PLEC: variants seen among roughly 807,000 people sequenced by gnomAD.
PLEC encodes plectin.
A neutral mutation model predicts 392.8 loss-of-function variants in PLEC; 216 were observed. The observed-to-expected ratio is 0.55, with a 90% CI of 0.49 to 0.62. The LOEUF is 0.62. PLEC is among the 20% of genes least tolerant of loss of function. PLEC has a pLI of 0.00. For synonymous variants in PLEC, 3,621 were observed against 2,980.6 expected (o/e 1.21, Z -7.00); for missense variants, 6,863 against 6,563.4 (o/e 1.05, Z -1.58).
intron 5 of PLEC, among the ~76,000 whole-genome samples, chr8:143,936,555 C>T (rs1292019046): frequency 2.0e-5 from 3 of 152,218 alleles, no homozygotes; most frequent in South Asian, 2.1e-4. Flanking sequence ...AGCTGCCTGT[C>T]GTCCTGCCAG....
intron 1 of PLEC, among the ~76,000 whole-genome samples, chr8:143,964,013 A>G (rs1391289591): frequency 6.6e-6 from 1 of 151,994 alleles, no homozygotes; most frequent in African/African-American, 2.4e-5. Flanking sequence ...AGGCTTCACC[A>G]TGTTGGCCAG....
rs962610686 is a variant in PLEC at position 143,939,574 on chromosome 8, G to A, written c.-113C>T. 4.9e-5 allele frequency: 75 copies of A among 1,524,638 alleles called. No individual in the cohort carries two copies. Among genetic ancestry groups the A allele is most frequent in the Non-Finnish European group, 6.3e-5 (72 of 1,138,986 alleles). The allele number at this position is 1,524,638 out of a possible 1,614,324, so 94.4% of individuals were successfully genotyped here. A position where few individuals can be genotyped will look rare whatever the true frequency, so the allele number is the denominator to read the frequency against. On this transcript the variant is annotated 5_prime_UTR_variant, in exon 1 of 32. Transcript: ENST00000345136. ...TGGCGGCCCCACGAGACGCTCACTCGGCACAGGCTCAGCTCAGAGCCCCAG... is the reference window on the plus strand; with the variant it reads ...TGGCGGCCCCACGAGACGCTCACTCAGCACAGGCTCAGCTCAGAGCCCCAG...
rs1554723802 is a variant in PLEC at position 143,936,901 on chromosome 8, T to C, written c.435+78A>G. The C allele has an allele frequency of 3.4e-6, 4 of 1,168,200 alleles. No individual in the cohort carries two copies. The African/African-American group carries it at 6.0e-5, about 18-fold the overall frequency. 72.4% of individuals were successfully genotyped at this position (1,168,200 alleles called of 1,614,324 possible). ...GGCCACGCCCTAGCCAGAAAGCGGA[T>C]CAACCCGCCAGCCAAGGAGCCCAGG... On this transcript the variant is annotated intron_variant, in intron 5 of 31. Coordinates refer to ENST00000345136, the MANE Select transcript of PLEC (RefSeq NM_201384.3).
At chr8:143,975,549 A>G (rs1833632293), upstream of PLEC, among the ~76,000 whole-genome samples, 1 of 149,048 alleles carries the variant, frequency 6.7e-6, no homozygotes, top group South Asian at 2.1e-4. The surrounding 1 kb of genome is among the most constrained non-coding windows in gnomAD (Gnocchi z 9.9). Context: ...ATTGACCCCC[A>G]TGCTCTGGCC....
chr8:143,939,980 G>C (rs1211591717), upstream of PLEC, among the ~76,000 whole-genome samples: 3 of 152,212 alleles, frequency 2.0e-5, no homozygotes, highest in African/African-American at 7.2e-5. Context: ...CTCCAGGCCT[G>C]GGCCAGGCCC....
chr8:143,926,433 C>A (rs750090360), intron 30 of PLEC, among the ~76,000 whole-genome samples: 20 of 152,338 alleles, frequency 1.3e-4, no homozygotes, highest in Non-Finnish European at 2.9e-4. Flanking sequence ...AGCCCCACAA[C>A]TCAGCACCCC....
intron 1 of PLEC, among the ~76,000 whole-genome samples, chr8:143,948,594 C>A (rs570058567): frequency 6.6e-6 from 1 of 152,354 alleles, no homozygotes; most frequent in South Asian, 2.1e-4. Context: ...TGGCTCGCTT[C>A]CTGTTGGAAA....
chr8:143,970,944 C>T (rs1030869725), intron 1 of PLEC, among the ~76,000 whole-genome samples: 27 of 152,188 alleles, frequency 1.8e-4, no homozygotes, highest in African/African-American at 1.9e-4. Flanking sequence ...AGAGCTCTCC[C>T]GCCACAGGCT....
intron 1 of PLEC, chr8:143,944,688 G>T: frequency 7.5e-7 from 1 of 1,324,916 alleles, no homozygotes; most frequent in East Asian, 2.8e-5. Context: ...GGAGCCCACG[G>T]GGCAGACGGA....
chr8:143,942,521 C>T (rs1830691413), upstream of PLEC: 1 of 1,564,302 alleles, frequency 6.4e-7, no homozygotes, highest in South Asian at 1.1e-5. Flanking sequence ...GACATGCCGG[C>T]CACGGCCGGA....
upstream of PLEC, among the ~76,000 whole-genome samples, chr8:143,955,876 G>A (rs1554739080): frequency 1.3e-5 from 2 of 151,260 alleles, no homozygotes; most frequent in African/African-American, 2.4e-5. Context: ...ACAAGTGTGA[G>A]CCACACTGCC....
upstream of PLEC, among the ~76,000 whole-genome samples, chr8:143,940,722 C>T (rs1436560429): frequency 6.6e-6 from 1 of 152,178 alleles, no homozygotes; most frequent in Non-Finnish European, 1.5e-5. Flanking sequence ...AGAGCTCACC[C>T]CACCTCATTC....
rs782569942 is a variant in PLEC at position 143,920,815 on chromosome 8, T to C, written c.9006A>G (p.Arg3002=). 3.5e-5 allele frequency: 56 copies of C among 1,608,078 alleles called. No homozygotes were observed. In the South Asian group the frequency reaches 5.9e-4, roughly 17 times the overall value. The change falls in exon 32 of 32, where the codon CGA becomes CGG. Residue 3002 remains arginine, a synonymous_variant. Coordinates refer to ENST00000345136, the MANE Select transcript of PLEC (RefSeq NM_201384.3). The stretch of plus-strand genomic sequence containing the variant: ...CTACGTCTCGCACAGAGCGCTCACC[T>C]CGCTGCAGCTGCTGGTAGAGCTCGC... The part of the protein sequence containing the change: ...IDRELYQQLQ[R]GERSVRDVAE...
At chr8:143,937,604 G>A (rs1829400023) in intron 3 of PLEC, 1 of 503,696 alleles carries the variant, frequency 2.0e-6, no homozygotes, top group South Asian at 1.7e-5. Flanking sequence ...GGGCAGCACG[G>A]TGGACGGGCA....
rs1330807133 is a variant in PLEC, at chr8:143,929,130, C to T, written c.3233G>A (p.Arg1078His). The T allele has an allele frequency of 1.2e-5, 19 of 1,584,062 alleles. No homozygotes were observed. The highest frequency in any genetic ancestry group is 2.3e-5 in the East Asian group (1 of 43,638). The part of the protein sequence containing the change: ...ELTLGKLEQV[R>H]SLSAIYLEKL... ...CTCCAGGTAGATGGCAGACAGGCTG[C>T]GGACCTGCTCCAGCTTGCCCAGCGT... Residue 1078 changes from arginine to histidine, a missense_variant, in exon 25 of 32, where the codon CGC becomes CAC. Physicochemically the swap from Arg to His is conservative, Grantham distance 29. Transcript: ENST00000345136.
In PLEC at chr8:143,916,342, CGAGCCGGTGCGG is replaced by C. The variant is rs1367735932; in HGVS notation, c.13467_13478del (p.Thr4495_Arg4498del). 9 of 1,598,448 alleles carry C rather than the reference CGAGCCGGTGCGG, an allele frequency of 5.6e-6. No individual in the cohort carries two copies. In the East Asian group the frequency reaches 1.8e-4, roughly 32 times the overall value. On this transcript the variant is annotated inframe_deletion, in exon 32 of 32. Coordinates refer to ENST00000345136, the MANE Select transcript of PLEC (RefSeq NM_201384.3). ...GGGAGCCGGCCCGGGAGCCGGTGCG[CGAGCCGGTGCGG>C]GAGCCAGCGGTAGAGCCGGAGCCGC...
At chr8:143,965,554 C>A (rs1833047647) in intron 1 of PLEC, among the ~76,000 whole-genome samples, 1 of 152,192 alleles carries the variant, frequency 6.6e-6, no homozygotes, top group African/African-American at 2.4e-5. Flanking sequence ...CACCCATGAC[C>A]CCAGCGGTGG....
At chr8:143,960,048 C>T (rs1346941347) in intron 1 of PLEC, among the ~76,000 whole-genome samples, 1 of 152,090 alleles carries the variant, frequency 6.6e-6, no homozygotes, top group Non-Finnish European at 1.5e-5. Flanking sequence ...TTTGGGAGGC[C>T]GAGGCAGGCA....
Position 143,924,516 on chromosome 8 carries a change from G to A in PLEC, c.5413C>T (p.Arg1805Cys), listed in dbSNP as rs782820715. 36 of 1,540,832 alleles carry A rather than the reference G, an allele frequency of 2.3e-5. No homozygotes were observed. The highest frequency in any genetic ancestry group is 1.8e-4 in the Middle Eastern group (1 of 5,596). The change falls in exon 31 of 32, where the codon CGC becomes TGC. Residue 1805 changes from arginine to cysteine, a missense_variant. Transcript: ENST00000345136. ...RFRELAEEAA[R>C]LRALAEEAKR... is the part of the protein sequence containing the mutation. Reference sequence around the variant, plus strand: ...GCCTCTTCCGCCAGGGCACGCAGGCGGGCGGCCTCCTCGGCCAGCTCGCGG... The same window carrying A: ...GCCTCTTCCGCCAGGGCACGCAGGCAGGCGGCCTCCTCGGCCAGCTCGCGG...
Sources: gnomAD v4.1 joint callset for allele counts (sites outside exome capture counted in the v4.1 genomes callset) on GRCh38, gnomAD v4.1.1 for gene constraint, Gnocchi (gnomAD v3.1) non-coding constraint, MANE v1.5 for transcripts, NCBI Gene and HGNC (gene_info 2026-07-23, HGNC 2026-07-21) for gene names.